The following RANBP9 variants were observed in gnomAD, a reference collection of about 807,000 sequenced individuals.
The protein encoded by RANBP9 is ran-binding protein 9.
RANBP9 carries 15 observed loss-of-function variants against 84.3 expected under a neutral mutation model. The ratio of observed to expected loss-of-function variants is 0.18; its 90% confidence interval spans 0.12 to 0.27. RANBP9 has a LOEUF of 0.27. Ranked by LOEUF, RANBP9 falls within the 10% of genes least tolerant of loss-of-function variation. The pLI is 1.00. For synonymous variants in RANBP9, 392 were observed against 349.6 expected (o/e 1.12, Z -1.35); for missense variants, 809 against 912.8 (o/e 0.89, Z 1.46).
chr6:13,664,062 A>C lies in RANBP9; in HGVS notation c.684-5230T>G, dbSNP rs908706595. 4.6e-4 allele frequency among the ~76,000 whole-genome samples: 70 copies of C among 152,136 alleles called. 1 individual carries two copies. Among genetic ancestry groups the C allele is most frequent in the African/African-American group, 1.6e-3 (68 of 41,456 alleles). On this transcript the variant is annotated intron_variant, in intron 2 of 13. Coordinates refer to ENST00000011619, the MANE Select transcript of RANBP9 (RefSeq NM_005493.3). ...GCAAAAAAGAGAAATAAAATGCATA[A>C]AAATCAAAAAGAAATAAAGCTGGCT...
chr6:13,670,801 G>GAAAA (rs796204005), intron 2 of RANBP9, among the ~76,000 whole-genome samples: 1 of 56,756 alleles, frequency 1.8e-5, no homozygotes, highest in African/African-American at 6.0e-5. Flanking sequence ...TTCCATCTTA[G>GAAAA]AAAAAAAAAA....
chr6:13,703,911 A>C (rs1003687466), intron 1 of RANBP9, among the ~76,000 whole-genome samples: 3 of 152,190 alleles, frequency 2.0e-5, no homozygotes, highest in South Asian at 2.1e-4. Flanking sequence ...ACTTATCTCC[A>C]ACTATACTGT....
Position 13,678,647 on chromosome 6 carries a change from T to C in RANBP9, c.683+18138A>G, listed in dbSNP as rs11965676. Among the ~76,000 whole-genome samples, 813 of 152,306 alleles carry C rather than the reference T, an allele frequency of 5.3e-3. 7 individuals are homozygous for C. The highest frequency in any genetic ancestry group is 0.019 in the African/African-American group (779 of 41,566). On this transcript the variant is annotated intron_variant, in intron 2 of 13. Coordinates refer to ENST00000011619, the MANE Select transcript of RANBP9 (RefSeq NM_005493.3). Reference sequence around the variant, plus strand: ...CCAAACTCTTCAATCCTCAACTGTTTACTCTGCCCTCCCTTGCCTTTCCCA... The same window carrying C: ...CCAAACTCTTCAATCCTCAACTGTTCACTCTGCCCTCCCTTGCCTTTCCCA...
At chr6:13,701,127 G>C (rs182301371) in intron 1 of RANBP9, among the ~76,000 whole-genome samples, 1 of 152,160 alleles carries the variant, frequency 6.6e-6, no homozygotes, top group Admixed American at 6.5e-5. Flanking sequence ...TCCAGGACAG[G>C]CTACATGGTA....
intron 2 of RANBP9, among the ~76,000 whole-genome samples, chr6:13,666,329 A>G (rs890988526): frequency 2.2e-4 from 34 of 152,134 alleles, no homozygotes; most frequent in South Asian, 2.1e-4. Context: ...ACGAGTTTCA[A>G]AAAAACCACA....
At chr6:13,685,098 T>C (rs1455125593) in intron 2 of RANBP9, among the ~76,000 whole-genome samples, 2 of 152,208 alleles carry the variant, frequency 1.3e-5, no homozygotes, top group Non-Finnish European at 2.9e-5. Context: ...AATTTGGCCA[T>C]GTGCATCATA....
intron 1 of RANBP9, among the ~76,000 whole-genome samples, chr6:13,704,062 CTCAG>C (rs1206767606): frequency 1.3e-5 from 2 of 152,222 alleles, no homozygotes; most frequent in Admixed American, 6.5e-5. Context: ...CTCATATCCT[CTCAG>C]TATTACTTTT....
intron 1 of RANBP9, among the ~76,000 whole-genome samples, chr6:13,703,415 T>C (rs1355293069): frequency 6.6e-6 from 1 of 152,214 alleles, no homozygotes; most frequent in Non-Finnish European, 1.5e-5. Flanking sequence ...TCAATTATGG[T>C]TAACTGCCAA....
At chr6:13,703,087 G>C (rs938111777) in intron 1 of RANBP9, among the ~76,000 whole-genome samples, 2 of 152,166 alleles carry the variant, frequency 1.3e-5, no homozygotes, top group East Asian at 1.9e-4. Context: ...ATCACCGCTG[G>C]CTACAGCCTC....
In RANBP9 at chr6:13,645,827, A is replaced by G. The variant is rs150360948; in HGVS notation, c.928-1098T>C. Reference sequence around the variant, plus strand: ...AACAAGGTAAAGATCAAGAGCGGATAATTTCTGTGTGAATATGTTAAATAG... The same window carrying G: ...AACAAGGTAAAGATCAAGAGCGGATGATTTCTGTGTGAATATGTTAAATAG... On this transcript the variant is annotated intron_variant, in intron 5 of 13. Transcript: ENST00000011619. Among the ~76,000 whole-genome samples the G allele has an allele frequency of 7.7e-3, 1,167 of 152,318 alleles. 11 individuals are homozygous for G. The highest frequency in any genetic ancestry group is 0.026 in the African/African-American group (1,093 of 41,576).
chr6:13,703,108 G>A (rs1461653454), intron 1 of RANBP9, among the ~76,000 whole-genome samples: 1 of 152,162 alleles, frequency 6.6e-6, no homozygotes, highest in East Asian at 1.9e-4. Context: ...AACTTCCTGG[G>A]TTCAAGCAGT....
At chr6:13,684,892 A>C (rs1766133821) in intron 2 of RANBP9, among the ~76,000 whole-genome samples, 3 of 152,218 alleles carry the variant, frequency 2.0e-5, no homozygotes, top group Non-Finnish European at 4.4e-5. Flanking sequence ...AAGTGCCAAT[A>C]AATAAATTCC....
At chr6:13,675,818 A>C (rs1269492162) in intron 2 of RANBP9, among the ~76,000 whole-genome samples, 1 of 151,750 alleles carries the variant, frequency 6.6e-6, no homozygotes, top group Non-Finnish European at 1.5e-5. Flanking sequence ...TACTGATCCC[A>C]GACATTAAAA....
chr6:13,650,814 A>C (rs1419398479), intron 5 of RANBP9, among the ~76,000 whole-genome samples: 2 of 152,240 alleles, frequency 1.3e-5, no homozygotes, highest in East Asian at 3.9e-4. Flanking sequence ...AATACAAAAA[A>C]TCAGTCGGGC....
chr6:13,629,121 G>T (rs112206907), intron 12 of RANBP9, among the ~76,000 whole-genome samples: 1 of 150,982 alleles, frequency 6.6e-6, no homozygotes, highest in African/African-American at 2.4e-5. Context: ...GAGCCTTTTT[G>T]TTTTTTTGAG....
At chr6:13,637,994 C>G (rs759281007) in intron 9 of RANBP9, 39 bp from the exon 10 acceptor site, 2 of 1,542,276 alleles carry the variant, frequency 1.3e-6, no homozygotes, top group Non-Finnish European at 8.7e-7. Flanking sequence ...GAAACAAACA[C>G]TAATTTATTA....
chr6:13,666,862 A>C (rs1375196433), intron 2 of RANBP9, among the ~76,000 whole-genome samples: 1 of 152,126 alleles, frequency 6.6e-6, no homozygotes, highest in Non-Finnish European at 1.5e-5. Context: ...AATGGGTGTC[A>C]TAAGAGTTAC....
intron 2 of RANBP9, among the ~76,000 whole-genome samples, chr6:13,693,389 T>TA (rs538485823): frequency 5.9e-4 from 89 of 151,238 alleles, no homozygotes; most frequent in African/African-American, 1.5e-3. Flanking sequence ...GCTAAAAATT[T>TA]AAAAAAAAAT....
At chr6:13,699,817 G>A (rs750174887) in intron 1 of RANBP9, among the ~76,000 whole-genome samples, 1 of 152,032 alleles carries the variant, frequency 6.6e-6, no homozygotes, top group African/African-American at 2.4e-5. Flanking sequence ...GCCTGACAGC[G>A]CCACTACACT....
Sources: allele counts gnomAD v4.1 joint callset (sites outside exome capture counted in the v4.1 genomes callset), GRCh38; gene constraint gnomAD v4.1.1; transcripts MANE v1.5; gene names NCBI Gene and HGNC (gene_info 2026-07-23, HGNC 2026-07-21).